Variants in PTPRD observed in about 807,000 individuals in gnomAD.
The protein encoded by PTPRD is receptor-type tyrosine-protein phosphatase delta.
PTPRD carries 34 observed loss-of-function variants against 214.5 expected under a neutral mutation model. The ratio of observed to expected loss-of-function variants is 0.16; its 90% CI spans 0.12 to 0.21. The LOEUF (loss-of-function observed/expected upper bound fraction) is 0.21. Ranked by LOEUF, PTPRD falls within the 10% of genes least tolerant of loss-of-function variation. The probability of loss-of-function intolerance (pLI) is 1.00; values close to 1 mark genes in which losing one functional copy is unlikely to be tolerated. For synonymous variants in PTPRD, 1,128 were observed against 845.7 expected, an observed-to-expected ratio of 1.33 and a Z score of -5.79; for missense variants, 2,545 against 2,398.7, an observed-to-expected ratio of 1.06 and a Z score of -1.27.
At chr9:8,769,084 G>C (rs1050038063) in intron 11 of PTPRD, among the ~76,000 whole-genome samples, 2 of 152,096 alleles carry the variant, frequency 1.3e-5, no homozygotes, top group Non-Finnish European at 2.9e-5. Context: ...AATGATTTAT[G>C]AATCACCCAA....
chr9:8,562,622 A>G (rs1242586514), intron 14 of PTPRD, among the ~76,000 whole-genome samples: 1 of 151,998 alleles, frequency 6.6e-6, no homozygotes, highest in East Asian at 1.9e-4. Context: ...TTTTTTGTAG[A>G]TACGGGGTTT....
intron 11 of PTPRD, among the ~76,000 whole-genome samples, chr9:8,774,620 C>T (rs976166862): frequency 4.0e-5 from 6 of 148,772 alleles, no homozygotes; most frequent in African/African-American, 1.0e-4. Flanking sequence ...CTGCAACCTC[C>T]GCCTCCTGGG....
intron 11 of PTPRD, among the ~76,000 whole-genome samples, chr9:9,004,568 C>A (rs1024138381): frequency 1.3e-5 from 2 of 151,920 alleles, no homozygotes; most frequent in Admixed American, 1.3e-4. Context: ...GTTTCTCTTC[C>A]TGACATTCTT....
At chr9:9,043,995 T>A (rs1355015992) in intron 10 of PTPRD, among the ~76,000 whole-genome samples, 1 of 151,686 alleles carries the variant, frequency 6.6e-6, no homozygotes, top group Non-Finnish European at 1.5e-5. Context: ...AAAACTTCAG[T>A]GATAGACTTT....
chr9:8,832,666 C>T (rs1016658442), intron 11 of PTPRD, among the ~76,000 whole-genome samples: 5 of 152,006 alleles, frequency 3.3e-5, no homozygotes, highest in Non-Finnish European at 7.4e-5. Flanking sequence ...GGTCACACTG[C>T]AGGATCACAA....
At chr9:8,925,267 A>T (rs9644894) in intron 11 of PTPRD, among the ~76,000 whole-genome samples, 5 of 151,718 alleles carry the variant, frequency 3.3e-5, no homozygotes, top group African/African-American at 1.2e-4. Context: ...CTTATTGGTC[A>T]CCTTCCTACA....
intron 10 of PTPRD, among the ~76,000 whole-genome samples, chr9:9,020,380 T>A (rs1227533904): frequency 6.6e-6 from 1 of 152,124 alleles, no homozygotes; most frequent in Non-Finnish European, 1.5e-5. Flanking sequence ...GAGACAGTGA[T>A]TGGAAGCGGA....
chr9:9,973,320 A>AAC (rs1490962311), intron 4 of PTPRD, among the ~76,000 whole-genome samples: 3 of 151,622 alleles, frequency 2.0e-5, no homozygotes, highest in African/African-American at 7.3e-5. Flanking sequence ...AAAAAAAAAA[A>AAC]AATTACCCAG....
intron 11 of PTPRD, among the ~76,000 whole-genome samples, chr9:8,956,661 C>T (rs1231468602): frequency 1.3e-5 from 2 of 151,746 alleles, no homozygotes; most frequent in Non-Finnish European, 2.9e-5. Context: ...AACAGGGGAG[C>T]AGTTATCAAG....
chr9:9,229,160 TA>T (rs756591630), intron 9 of PTPRD, among the ~76,000 whole-genome samples: 20 of 152,178 alleles, frequency 1.3e-4, no homozygotes, highest in Admixed American at 4.6e-4. Flanking sequence ...ATTCTTGGTC[TA>T]AATATAGACA....
chr9:10,464,395 A>G (rs1318646539), intron 2 of PTPRD, among the ~76,000 whole-genome samples: 2 of 144,726 alleles, frequency 1.4e-5, no homozygotes, highest in African/African-American at 2.5e-5. Flanking sequence ...AGAAAGAGAG[A>G]GAGAGAGATA....
At chr9:10,572,725 A>G (rs1050956737) in intron 2 of PTPRD, among the ~76,000 whole-genome samples, 1 of 152,140 alleles carries the variant, frequency 6.6e-6, no homozygotes, top group Non-Finnish European at 1.5e-5. Flanking sequence ...TCTCCACTGA[A>G]TCAAGTAAAT....
chr9:10,207,777 T>C (rs1014452890), intron 3 of PTPRD, among the ~76,000 whole-genome samples: 13 of 151,718 alleles, frequency 8.6e-5, no homozygotes, highest in African/African-American at 2.9e-4. Context: ...TAAAAGTGAG[T>C]ATAAATGTCA....
chr9:8,864,268 A>G (rs2098157142), intron 11 of PTPRD, among the ~76,000 whole-genome samples: 1 of 152,224 alleles, frequency 6.6e-6, no homozygotes, highest in Non-Finnish European at 1.5e-5. Flanking sequence ...AGAAAGATAC[A>G]AAAGTACTGC....
intron 6 of PTPRD, among the ~76,000 whole-genome samples, chr9:9,741,496 T>G (rs538569731): frequency 9.9e-5 from 15 of 152,172 alleles, no homozygotes; most frequent in African/African-American, 3.6e-4. Context: ...GGGATACATG[T>G]GCAGAACTGG....
chr9:9,465,506 T>C (rs1368110175), intron 8 of PTPRD, among the ~76,000 whole-genome samples: 2 of 152,128 alleles, frequency 1.3e-5, no homozygotes, highest in South Asian at 2.1e-4. Context: ...GTGAGAGCAA[T>C]ATAAATTTAA....
At chr9:10,246,106 G>C (rs774271369) in intron 3 of PTPRD, among the ~76,000 whole-genome samples, 1 of 151,894 alleles carries the variant, frequency 6.6e-6, no homozygotes, top group East Asian at 1.9e-4. Context: ...CACAATAATG[G>C]TTAAAAGAAT....
rs752216652 is a variant in PTPRD at position 9,629,771 on chromosome 9, C to T, written c.-286-54990G>A. Among the ~76,000 whole-genome samples the T allele has an allele frequency of 3.3e-5, 5 of 152,202 alleles. No individual in the cohort carries two copies. In the East Asian group the frequency reaches 5.8e-4, roughly 18 times the overall value. On this transcript the variant is annotated intron_variant, in intron 7 of 45. Transcript: ENST00000381196. Reference sequence around the variant, plus strand: ...GGCTCTTTCCCTTCTGAATTCAAACCGCTAGAGACAGGTGATTAAAAAGAA... The same window carrying T: ...GGCTCTTTCCCTTCTGAATTCAAACTGCTAGAGACAGGTGATTAAAAAGAA...
At chr9:10,127,710 T>C (rs2098830211) in intron 3 of PTPRD, among the ~76,000 whole-genome samples, 1 of 152,208 alleles carries the variant, frequency 6.6e-6, no homozygotes, top group African/African-American at 2.4e-5. Context: ...CATTAACCTC[T>C]TCCATTTTCC....
Sources: allele counts gnomAD v4.1 joint callset (sites outside exome capture counted in the v4.1 genomes callset), GRCh38; gene constraint gnomAD v4.1.1; transcripts MANE v1.5; gene names NCBI Gene and HGNC (gene_info 2026-07-23, HGNC 2026-07-21).